The following NMNAT1 variants were observed in gnomAD, a reference collection of about 807,000 sequenced individuals.
NMNAT1 encodes the protein nicotinamide nucleotide adenylyltransferase 1.
NMNAT1 carries 11 observed loss-of-function variants against 16.7 expected under a neutral mutation model. The observed-to-expected ratio is 0.66, with a 90% CI of 0.41 to 1.09. The LOEUF (loss-of-function observed/expected upper bound fraction) is 1.09, where lower values mean the gene tolerates loss of function less well. NMNAT1 is among the 50% of genes least tolerant of loss of function. NMNAT1 has a pLI of 0.00. For missense variants in NMNAT1, 280 were observed against 332.3 expected, an observed-to-expected ratio of 0.84 and a Z score of 1.22; for synonymous variants, 110 against 119.8, an observed-to-expected ratio of 0.92 and a Z score of 0.53.
At position 9,983,053 on chromosome 1, in the gene NMNAT1, C is replaced by T. The variant is rs7514461; in HGVS notation, c.*352C>T. The T allele has an allele frequency of 0.013, 2,357 of 182,642 alleles. 54 individuals are homozygous for T. Among genetic ancestry groups the T allele is most frequent in the African/African-American group, 0.054 (2,251 of 41,694 alleles). 11.3% of individuals were successfully genotyped at this position (182,642 alleles called of 1,614,324 possible). A position where few individuals can be genotyped will look rare whatever the true frequency, so the allele number is the denominator to read the frequency against. ...CCCAGGTGGTGGAGGTTGCAGTGAG[C>T]CAAGATTGCACCATTGCACTCCAGC... On this transcript the variant is annotated 3_prime_UTR_variant, in exon 5 of 5. Transcript: ENST00000377205.
chr1:9,960,684 T>A (rs1641382220), intron 1 of NMNAT1: 1 of 152,162 alleles, frequency 6.6e-6, no homozygotes, highest in African/African-American at 2.4e-5. Context: ...AACTCCTTAT[T>A]GTCACAGTGA....
chr1:9,975,568 T>C (rs371906342), intron 2 of NMNAT1, 24 bp from the exon 3 acceptor site: 1 of 1,563,018 alleles, frequency 6.4e-7, no homozygotes, highest in Non-Finnish European at 8.7e-7. Context: ...TTATACCTAG[T>C]GTGAAACCTA....
At chr1:9,970,167 T>A (rs550931387) in intron 1 of NMNAT1, among the ~76,000 whole-genome samples, 2 of 152,138 alleles carry the variant, frequency 1.3e-5, no homozygotes, top group Non-Finnish European at 2.9e-5. Context: ...TGAGGGCTAA[T>A]CTTTATAGAT....
At chr1:9,993,338 G>T in the NMNAT1 span, among the ~76,000 whole-genome samples, 1 of 152,032 alleles carries the variant, frequency 6.6e-6, no homozygotes, top group East Asian at 1.9e-4. Context: ...AATTGGCCGG[G>T]TGTAGTGGCA....
At chr1:9,967,276 T>G (rs1406548070) in intron 1 of NMNAT1, 1 of 153,544 alleles carries the variant, frequency 6.5e-6, no homozygotes, top group Non-Finnish European at 1.5e-5. Flanking sequence ...TGAAAAGAAT[T>G]TTCTCAAGCC....
chr1:9,962,989 G>A (rs1034845410), intron 1 of NMNAT1, among the ~76,000 whole-genome samples: 5 of 143,948 alleles, frequency 3.5e-5, no homozygotes, highest in Admixed American at 7.1e-5. Flanking sequence ...CCCCAAATAA[G>A]GGTTTTTAAC....
chr1:9,947,427 T>A (rs796594525), intron 1 of NMNAT1: 1 of 152,714 alleles, frequency 6.5e-6, no homozygotes, highest in Non-Finnish European at 1.5e-5. Flanking sequence ...CACTGCTCCA[T>A]GTATATCCCT....
Position 9,945,654 on chromosome 1 carries a change from C to T in NMNAT1, c.-57+2139C>T, listed in dbSNP as rs1288908472. 3.3e-5 allele frequency among the ~76,000 whole-genome samples: 5 copies of T among 152,156 alleles called. No homozygotes were observed. In the East Asian group the frequency reaches 7.7e-4, roughly 23 times the overall value. On this transcript the variant is annotated intron_variant, in intron 1 of 4. Transcript: ENST00000377205. The stretch of plus-strand genomic sequence containing the variant: ...GGCGGAGGTTGCAGTGAGCCGAGAT[C>T]GTGCTCTTCAGCCTGGGCTACAGGG...
chr1:9,967,325 T>C (rs941053313), intron 1 of NMNAT1: 6 of 154,086 alleles, frequency 3.9e-5, no homozygotes, highest in African/African-American at 1.4e-4. Flanking sequence ...TCGTCGAACT[T>C]ACTTGATCTC....
At position 9,962,629 on chromosome 1, in the gene NMNAT1, T is replaced by C. The variant is rs374584802; in HGVS notation, c.-56-9389T>C. On this transcript the variant is annotated intron_variant, in intron 1 of 4. Coordinates refer to ENST00000377205, the MANE Select transcript of NMNAT1 (RefSeq NM_022787.4). The stretch of plus-strand genomic sequence containing the variant: ...ATCTCCATTTTACAGATAAAGAACC[T>C]AAAAACAGAGTTAAGAGATCAAATC... 7.3e-4 allele frequency among the ~76,000 whole-genome samples: 108 copies of C among 148,338 alleles called. 1 individual carries two copies. Among genetic ancestry groups the C allele is most frequent in the African/African-American group, 2.3e-3 (96 of 40,866 alleles).
chr1:9,958,435 TTTG>T (rs1219747189), intron 1 of NMNAT1, among the ~76,000 whole-genome samples: 1 of 151,660 alleles, frequency 6.6e-6, no homozygotes, highest in East Asian at 1.9e-4. Flanking sequence ...GATTTTTTGT[TTTG>T]TTTTGTTTTT....
chr1:9,968,926 C>G (rs1212211007), intron 1 of NMNAT1, among the ~76,000 whole-genome samples: 2 of 136,996 alleles, frequency 1.5e-5, no homozygotes, highest in Admixed American at 7.9e-5. Context: ...GGTGACAGAG[C>G]GAGACTCTGT....
intron 1 of NMNAT1, among the ~76,000 whole-genome samples, chr1:9,954,111 A>C (rs946577769): frequency 6.6e-6 from 1 of 151,972 alleles, no homozygotes; most frequent in Non-Finnish European, 1.5e-5. Flanking sequence ...CGGCCCATAC[A>C]TCACTCTTAA....
In NMNAT1 at chr1:9,950,315, T is replaced by C. The variant is rs373790895; in HGVS notation, c.-57+6800T>C. On this transcript the variant is annotated intron_variant, in intron 1 of 4. Transcript: ENST00000377205. ...CATGTTGGTCAGGCTGATCTCGAAC[T>C]CCTGACCTCAAGTGATCCGCCCGCC... Among the ~76,000 whole-genome samples the C allele has an allele frequency of 3.2e-4, 48 of 152,300 alleles. 2 individuals are homozygous for C. Among genetic ancestry groups the C allele is most frequent in the East Asian group, 1.5e-3 (8 of 5,180 alleles).
intron 1 of NMNAT1, among the ~76,000 whole-genome samples, chr1:9,957,771 C>G (rs560707332): frequency 6.6e-6 from 1 of 152,254 alleles, no homozygotes; most frequent in South Asian, 2.1e-4. Flanking sequence ...CACTCCCCCT[C>G]GCTTAAGTAG....
chr1:9,952,368 T>C (rs1641137233), intron 1 of NMNAT1: 1 of 151,884 alleles, frequency 6.6e-6, no homozygotes, highest in Non-Finnish European at 1.5e-5. Context: ...GTTAACACCA[T>C]AGTGCAGACT....
intron 1 of NMNAT1, among the ~76,000 whole-genome samples, chr1:9,952,986 G>GTTTTT (rs542040218): frequency 6.8e-6 from 1 of 146,442 alleles, no homozygotes; most frequent in Non-Finnish European, 1.5e-5. Flanking sequence ...TTGTATGCAT[G>GTTTTT]TTTTTTTTTT....
At chr1:9,973,577 G>A (rs1392769357) in intron 2 of NMNAT1, among the ~76,000 whole-genome samples, 1 of 151,102 alleles carries the variant, frequency 6.6e-6, no homozygotes, top group Non-Finnish European at 1.5e-5. Context: ...GCATGGTGGC[G>A]GGTGCCTGTA....
In NMNAT1 at chr1:9,983,721, G is replaced by A. The variant is rs1161827908; in HGVS notation, c.*1020G>A. ...CCATCTGCCAAGTTAGTGAAAGGCT[G>A]GAGCCTCAAATCATACAGATGAGGG... On this transcript the variant is annotated 3_prime_UTR_variant, in exon 5 of 5. Transcript: ENST00000377205. 1.3e-5 allele frequency: 2 copies of A among 151,996 alleles called. No homozygotes were observed. Among genetic ancestry groups the A allele is most frequent in the African/African-American group, 4.8e-5 (2 of 41,378 alleles). The allele number at this position is 151,996 out of a possible 1,614,324, so 9.4% of individuals were successfully genotyped here.
Sources: allele counts gnomAD v4.1 joint callset (sites outside exome capture counted in the v4.1 genomes callset), GRCh38; gene constraint gnomAD v4.1.1; transcripts MANE v1.5; gene names NCBI Gene and HGNC (gene_info 2026-07-23, HGNC 2026-07-21).